GDF1: variants seen among roughly 807,000 people sequenced by gnomAD.
GDF1 encodes growth differentiation factor 1.
A neutral mutation model predicts 7.4 loss-of-function variants in GDF1; 8 were observed. The ratio of observed to expected loss-of-function variants is 1.09; its 90% CI spans 0.64 to 1.96. GDF1 has a LOEUF of 1.96. Ranked by LOEUF, GDF1 falls within the 30% of genes most tolerant of loss-of-function variation. GDF1 has a pLI of 0.00. For missense variants in GDF1, 574 were observed against 551.5 expected (o/e 1.04, Z -0.41); for synonymous variants, 311 against 276.7 (o/e 1.12, Z -1.23).
intron 2 of GDF1, among the ~76,000 whole-genome samples, chr19:18,889,781 C>T (rs2056448428): frequency 6.6e-6 from 1 of 152,082 alleles, no homozygotes; most frequent in South Asian, 2.1e-4. Flanking sequence ...CACTCAATGC[C>T]ACCCCTGCCT....
intron 2 of GDF1, among the ~76,000 whole-genome samples, chr19:18,891,267 C>G (rs2056484067): frequency 6.6e-6 from 1 of 152,236 alleles, no homozygotes; most frequent in Admixed American, 6.5e-5. Flanking sequence ...CCACTGTACA[C>G]TCTGGGCTCC....
chr19:18,893,303 C>T, intron 2 of GDF1, 113 bp downstream of exon 2: 1 of 1,259,750 alleles, frequency 7.9e-7, no homozygotes, highest in Non-Finnish European at 1.1e-6. Context: ...TGGCCTCCAA[C>T]TCCTGGGCTC....
Position 18,878,126 on chromosome 19 carries a change from T to C in GDF1, c.-313+804A>G, listed in dbSNP as rs759864943. The C allele has an allele frequency of 1.2e-5, 12 of 985,364 alleles. No individual in the cohort carries two copies. Among genetic ancestry groups the C allele is most frequent in the Non-Finnish European group, 1.4e-5 (12 of 830,020 alleles). The allele number at this position is 985,364 out of a possible 1,614,324, so 61.0% of individuals were successfully genotyped here. ...GAAACCATCGTTCCCACGTCACCGA[T>C]GGCCCCCACCGGCCAAATCAGAGGG... On this transcript the variant is annotated intron_variant, in intron 6 of 7. Coordinates refer to ENST00000247005, the MANE Select transcript of GDF1 (RefSeq NM_001492.6). The surrounding 1 kb of genome is among the most constrained non-coding windows in gnomAD (Gnocchi z 4.6).
intron 2 of GDF1, among the ~76,000 whole-genome samples, chr19:18,890,624 C>A (rs1409050775): frequency 6.8e-6 from 1 of 147,416 alleles, no homozygotes; most frequent in Non-Finnish European, 1.5e-5. Flanking sequence ...CCAAAAAACA[C>A]AAAAAAATTC....
At chr19:18,894,861 G>A (rs1460050625) in intron 1 of GDF1, among the ~76,000 whole-genome samples, 1 of 152,162 alleles carries the variant, frequency 6.6e-6, no homozygotes, top group Non-Finnish European at 1.5e-5. Context: ...TTGGCGCTGG[G>A]CACATTGTCC....
At chr19:18,885,517 T>C (rs867528172) in intron 2 of GDF1, among the ~76,000 whole-genome samples, 4 of 137,540 alleles carry the variant, frequency 2.9e-5, no homozygotes, top group Non-Finnish European at 4.6e-5. Flanking sequence ...TCTCGTTTTT[T>C]TTTTTTTTTT....
chr19:18,876,642 C>T (rs905272100), intron 6 of GDF1, among the ~76,000 whole-genome samples: 1 of 151,976 alleles, frequency 6.6e-6, no homozygotes, highest in African/African-American at 2.4e-5. Context: ...GCCTTGGCCT[C>T]CCAAAGTGCT....
At chr19:18,893,717 A>G (rs2056554702) in intron 1 of GDF1, 142 bp from the exon 2 acceptor site, 3 of 832,064 alleles carry the variant, frequency 3.6e-6, no homozygotes, top group Non-Finnish European at 5.5e-6. Context: ...AGCCACCTGG[A>G]GCATAAACAG....
chr19:18,886,862 T>C (rs1446426478), intron 2 of GDF1, among the ~76,000 whole-genome samples: 1 of 152,192 alleles, frequency 6.6e-6, no homozygotes, highest in African/African-American at 2.4e-5. Context: ...CTTTGGCCCA[T>C]GCCACCCCCA....
In GDF1 at chr19:18,895,982, G is replaced by C. The variant is rs766057833; in HGVS notation, c.-1232C>G. 3.8e-6 allele frequency: 4 copies of C among 1,048,130 alleles called. No homozygotes were observed. Among genetic ancestry groups the C allele is most frequent in the South Asian group, 3.5e-5 (1 of 28,968 alleles). The allele number at this position is 1,048,130 out of a possible 1,614,324, so 64.9% of individuals were successfully genotyped here. ...TCCGTGCAGCCCCGCGCCGCCGCCA[G>C]CGCGCTGCCCCAGCCGCGCTGCACT... On this transcript the variant is annotated 5_prime_UTR_variant, in exon 1 of 8. Transcript: ENST00000247005. The surrounding 1 kb of genome is among the most constrained non-coding windows in gnomAD (Gnocchi z 6.4).
chr19:18,881,241 C>CA (rs1469665316), intron 3 of GDF1, among the ~76,000 whole-genome samples: 3 of 147,282 alleles, frequency 2.0e-5, no homozygotes, highest in African/African-American at 7.6e-5. Context: ...TTTTTTGAGA[C>CA]AGAGTCTTGC....
chr19:18,874,956 C>G (rs991601430), intron 6 of GDF1, among the ~76,000 whole-genome samples: 7 of 152,186 alleles, frequency 4.6e-5, no homozygotes, highest in Non-Finnish European at 1.5e-5. Context: ...TTTTCGGAAC[C>G]AGGCAAAGTG....
In GDF1 at chr19:18,870,406, C is replaced by T; in HGVS notation, c.-99G>A. 7.7e-7 allele frequency: 1 copy of T among 1,292,066 alleles called. No homozygotes were observed. The highest frequency in any genetic ancestry group is 1.3e-5 in the South Asian group (1 of 76,018). 80.0% of individuals were successfully genotyped at this position (1,292,066 alleles called of 1,614,324 possible). A position where few individuals can be genotyped will look rare whatever the true frequency, so the allele number is the denominator to read the frequency against. On this transcript the variant is annotated 5_prime_UTR_variant, in exon 7 of 8. Transcript: ENST00000247005. This position sits in a 1 kb window ranked among gnomAD's most constrained non-coding sequence, Gnocchi z 5.1. ...CGGTGTCCCCGGAGGGGCAGGGGTCCTGGGGGGCGTGGCCGGGAACTGGAG... is the reference window on the plus strand; with the variant it reads ...CGGTGTCCCCGGAGGGGCAGGGGTCTTGGGGGGCGTGGCCGGGAACTGGAG...
At chr19:18,892,980 G>A (rs746262494) in intron 2 of GDF1, among the ~76,000 whole-genome samples, 19 of 151,536 alleles carry the variant, frequency 1.3e-4, no homozygotes, top group South Asian at 2.1e-4. Context: ...GCAGTGGCGC[G>A]AACTCGGCTC....
chr19:18,870,295 G>T lies in GDF1; in HGVS notation c.13C>A (p.Gln5Lys). 6.5e-7 allele frequency: 1 copy of T among 1,546,678 alleles called. No individual in the cohort carries two copies. The change falls in exon 7 of 8, where the codon CAG becomes AAG. Residue 5 changes from glutamine (Q) to lysine (K), a missense_variant. Coordinates refer to ENST00000247005, the MANE Select transcript of GDF1 (RefSeq NM_001492.6). The surrounding 1 kb of genome is among the most constrained non-coding windows in gnomAD (Gnocchi z 5.1). Reference protein sequence around the residue: MPPPQQGPCGHHLLL... With the variant: MPPPKQGPCGHHLLL... ...AGGTGGTGGCCGCAGGGACCTTGCT[G>T]CGGCGGTGGCATCTTCCTCCCAGGC...
At chr19:18,875,987 G>C (rs1174388690) in intron 6 of GDF1, among the ~76,000 whole-genome samples, 1 of 152,220 alleles carries the variant, frequency 6.6e-6, no homozygotes, top group East Asian at 1.9e-4. Flanking sequence ...AGTTCCTGTG[G>C]TTTTAAGTCA....
chr19:18,870,810 T>C lies in GDF1; in HGVS notation c.-312-191A>G, dbSNP rs1438648495. On this transcript the variant is annotated intron_variant, in intron 6 of 7. Coordinates refer to ENST00000247005, the MANE Select transcript of GDF1 (RefSeq NM_001492.6). The surrounding 1 kb of genome is among the most constrained non-coding windows in gnomAD (Gnocchi z 5.1). ...CCTTCACCCTGCCCCTCCTTCAACCTGCCCCGTAGGCACGTATGTCCCCCC... is the reference window on the plus strand; with the variant it reads ...CCTTCACCCTGCCCCTCCTTCAACCCGCCCCGTAGGCACGTATGTCCCCCC... Among the ~76,000 whole-genome samples, 1 of 151,174 alleles carries C rather than the reference T, an allele frequency of 6.6e-6. No individual in the cohort carries two copies. The highest frequency in any genetic ancestry group is 1.5e-5 in the Non-Finnish European group (1 of 67,826).
At chr19:18,876,316 C>T (rs1002438363) in intron 6 of GDF1, among the ~76,000 whole-genome samples, 1 of 151,002 alleles carries the variant, frequency 6.6e-6, no homozygotes, top group Admixed American at 6.6e-5. Context: ...TCTCTCATAC[C>T]TGTTTTTAAA....
Position 18,884,078 on chromosome 19 carries a change from T to C in GDF1, c.-733+9A>G, listed in dbSNP as rs200695801. Reference sequence around the variant, plus strand: ...GCCTCGGCCCCCTGCCACCCGATCCTGTCCTTACCGGAAGGCGTAGGAGGA... The same window carrying C: ...GCCTCGGCCCCCTGCCACCCGATCCCGTCCTTACCGGAAGGCGTAGGAGGA... On this transcript the variant is annotated intron_variant, in intron 3 of 7. Transcript: ENST00000247005. The C allele has an allele frequency of 7.1e-5, 115 of 1,610,132 alleles. No homozygotes were observed. In the East Asian group the frequency reaches 2.6e-3, roughly 36 times the overall value.
Sources: allele counts gnomAD v4.1 joint callset (sites outside exome capture counted in the v4.1 genomes callset), GRCh38; gene constraint gnomAD v4.1.1; non-coding constraint Gnocchi (gnomAD v3.1); transcripts MANE v1.5; gene names NCBI Gene and HGNC (gene_info 2026-07-23, HGNC 2026-07-21).